The following SIK3 variants were observed in gnomAD, a reference collection of about 807,000 sequenced individuals.
SIK3 encodes the protein SIK family kinase 3, also known as serine/threonine-protein kinase SIK3.
Under a neutral mutation model 144.2 loss-of-function variants are expected in SIK3, and 28 were observed. The observed-to-expected ratio is 0.19, with a 90% CI of 0.14 to 0.27. The LOEUF (loss-of-function observed/expected upper bound fraction) is 0.27. SIK3 is among the 10% of genes least tolerant of loss of function. SIK3 has a pLI of 1.00. For synonymous variants in SIK3, 686 were observed against 676.3 expected, an observed-to-expected ratio of 1.01 and a Z score of -0.22; for missense variants, 1,319 against 1,776.0, an observed-to-expected ratio of 0.74 and a Z score of 4.62.
intron 3 of SIK3, among the ~76,000 whole-genome samples, chr11:116,944,339 G>A (rs942507487): frequency 2.0e-5 from 3 of 152,030 alleles, no homozygotes; most frequent in African/African-American, 7.3e-5. Flanking sequence ...GCTGGGATTC[G>A]CCACACCCAT....
intron 1 of SIK3, among the ~76,000 whole-genome samples, chr11:117,091,206 T>TC (rs982211343): frequency 4.9e-5 from 7 of 143,356 alleles, no homozygotes; most frequent in East Asian, 4.0e-4. Flanking sequence ...TTTTCTTTTT[T>TC]TTTTTTTTTT....
intron 3 of SIK3, 106 bp downstream of exon 3, chr11:116,953,933 AAGAAC>A: frequency 1.4e-6 from 1 of 728,348 alleles, no homozygotes; most frequent in African/African-American, 1.8e-5. Flanking sequence ...GGCAGGATTG[AAGAAC>A]AGCATCAAGT....
At chr11:117,086,847 T>C (rs1012118930) in intron 1 of SIK3, among the ~76,000 whole-genome samples, 3 of 151,572 alleles carry the variant, frequency 2.0e-5, no homozygotes, top group Admixed American at 1.3e-4. Context: ...ATACAAAAAT[T>C]AGCCAGGTGT....
chr11:116,940,418 A>T lies in SIK3; in HGVS notation c.455-13038T>A, dbSNP rs1340657808. On this transcript the variant is annotated intron_variant, in intron 3 of 24. Transcript: ENST00000445177. ...CTAATTTTTGTATTTTTTAGTAAAG[A>T]CGGGGTTTCAACATGTTGGCCAGGC... Among the ~76,000 whole-genome samples the T allele has an allele frequency of 2.0e-5, 3 of 151,882 alleles. No homozygotes were observed. In the East Asian group the frequency reaches 5.8e-4, roughly 29 times the overall value.
At chr11:116,963,303 CTGTT>C (rs1291050843) in intron 1 of SIK3, among the ~76,000 whole-genome samples, 2 of 152,312 alleles carry the variant, frequency 1.3e-5, no homozygotes, top group East Asian at 3.9e-4. Context: ...AGTTCCCAAA[CTGTT>C]TGGTCTCAGG....
chr11:116,852,755 C>T (rs1394980159), intron 21 of SIK3, among the ~76,000 whole-genome samples: 1 of 152,156 alleles, frequency 6.6e-6, no homozygotes, highest in Non-Finnish European at 1.5e-5. Flanking sequence ...TTATGAGGGA[C>T]AATATACCCA....
At chr11:116,861,159 C>T (rs1259452174) in intron 19 of SIK3, 115 bp downstream of exon 19, 7 of 826,226 alleles carry the variant, frequency 8.5e-6, no homozygotes, top group South Asian at 4.8e-5. Context: ...GAGTCCATAC[C>T]CCTGAATACT....
At chr11:116,993,462 C>T (rs1474244938) in intron 1 of SIK3, among the ~76,000 whole-genome samples, 1 of 152,076 alleles carries the variant, frequency 6.6e-6, no homozygotes, top group Non-Finnish European at 1.5e-5. Context: ...TAAATTTAGC[C>T]TTATATGGAT....
At chr11:117,011,216 T>C (rs1419828343) in intron 1 of SIK3, among the ~76,000 whole-genome samples, 2 of 150,828 alleles carry the variant, frequency 1.3e-5, no homozygotes, top group African/African-American at 4.9e-5. Context: ...TCCACACTCC[T>C]TTTTTTTTCC....
chr11:116,875,177 C>T lies in SIK3; in HGVS notation c.1408G>A (p.Val470Met). The T allele has an allele frequency of 6.2e-7, 1 of 1,613,932 alleles. No homozygotes were observed. The highest frequency in any genetic ancestry group is 8.5e-7 in the Non-Finnish European group (1 of 1,179,876). ...ACTCACCGTGGGTCAGCCACACCCACTGTGTGCCTCCTCATTGACAAATAG... is the reference window on the plus strand; with the variant it reads ...ACTCACCGTGGGTCAGCCACACCCATTGTGTGCCTCCTCATTGACAAATAG... ...VRYLSMRRHT[V>M]GVADPRTEVM... Residue 470 changes from valine (V) to methionine (M), a missense_variant, in exon 11 of 25, where the codon GTG becomes ATG. Physicochemically the swap from Val to Met is conservative, Grantham distance 21. This residue lies in a region of SIK3 where 167 missense variants were observed against 263.3 expected (regional missense o/e 0.63). Transcript: ENST00000445177.
Position 116,950,020 on chromosome 11 carries a change from G to A in SIK3, c.454+4024C>T, listed in dbSNP as rs899614663. On this transcript the variant is annotated intron_variant, in intron 3 of 24. Coordinates refer to ENST00000445177, the MANE Select transcript of SIK3 (RefSeq NM_001366686.3). ...AGTTTGGTGGATGGAGAGCGGGGGA[G>A]GACAGCAGCCTGGGGTCCTCTCAGC... The A allele has an allele frequency of 6.7e-6, 3 of 447,648 alleles. No individual in the cohort carries two copies. In the East Asian group the frequency reaches 2.2e-4, roughly 32 times the overall value. The allele number at this position is 447,648 out of a possible 1,614,324, so 27.7% of individuals were successfully genotyped here. A position where few individuals can be genotyped will look rare whatever the true frequency, so the allele number is the denominator to read the frequency against.
intron 3 of SIK3, among the ~76,000 whole-genome samples, chr11:116,944,801 A>C (rs1436619626): frequency 6.6e-6 from 1 of 152,142 alleles, no homozygotes; most frequent in Non-Finnish European, 1.5e-5. Context: ...CTTGTAGGTG[A>C]CAGCAGAGTG....
rs960341115 is a variant in SIK3 at position 116,859,326 on chromosome 11, G to A, written c.2704C>T (p.Leu902Phe). 5 of 1,613,844 alleles carry A rather than the reference G, an allele frequency of 3.1e-6. No homozygotes were observed. In the South Asian group the frequency reaches 4.4e-5, roughly 14 times the overall value. Residue 902 changes from leucine (L) to phenylalanine (F), a missense_variant, in exon 20 of 25, where the codon CTC becomes TTC. This residue lies in a region of SIK3 where 646 missense variants were observed against 763.7 expected (regional missense o/e 0.85). Transcript: ENST00000445177. Reference sequence around the variant, plus strand: ...GACAAGGGACGGTGCCCATAGCTGAGGGTGGCCATCAGGTTGGTACGGTGC... The same window carrying A: ...GACAAGGGACGGTGCCCATAGCTGAAGGTGGCCATCAGGTTGGTACGGTGC... ...MQHRTNLMAT[L>F]SYGHRPLSKQ...
intron 3 of SIK3, among the ~76,000 whole-genome samples, chr11:116,930,318 G>A (rs1240070102): frequency 1.3e-5 from 2 of 152,114 alleles, no homozygotes; most frequent in Non-Finnish European, 2.9e-5. Context: ...GGTGTGCCAG[G>A]AAGCCAGCAG....
In SIK3 at chr11:117,073,328, A is replaced by T. The variant is rs541613546; in HGVS notation, c.273+24815T>A. Among the ~76,000 whole-genome samples the T allele has an allele frequency of 3.3e-5, 5 of 152,296 alleles. No homozygotes were observed. The East Asian group carries it at 7.7e-4, about 24-fold the overall frequency. On this transcript the variant is annotated intron_variant, in intron 1 of 24. Transcript: ENST00000445177. ...CATAACAGACAAGTTGTCTGGTTAC[A>T]TGCTAACACTCATCCATACTCATAC...
rs1193979283 is a variant in SIK3 at position 116,867,538 on chromosome 11, T to G, written c.1952+408A>C. On this transcript the variant is annotated intron_variant, in intron 15 of 24. Transcript: ENST00000445177. This position sits in a 1 kb window ranked among gnomAD's most constrained non-coding sequence, Gnocchi z 4.1. ...GGCTGGCGGTTCAATGGTAACACGA[T>G]ATGAAATGCTCATTCTTTTGAAGGT... 1.2e-5 allele frequency: 2 copies of G among 160,062 alleles called. No individual in the cohort carries two copies. The highest frequency in any genetic ancestry group is 1.2e-4 in the Admixed American group (2 of 16,022). 9.9% of individuals were successfully genotyped at this position (160,062 alleles called of 1,614,324 possible).
intron 1 of SIK3, among the ~76,000 whole-genome samples, chr11:117,089,905 G>A (rs986296928): frequency 4.6e-5 from 7 of 152,116 alleles, no homozygotes; most frequent in Non-Finnish European, 1.0e-4. Context: ...AAAAGCCTAA[G>A]TCTGAGATAA....
intron 1 of SIK3, among the ~76,000 whole-genome samples, chr11:117,029,827 T>C (rs1239137950): frequency 1.3e-5 from 2 of 151,718 alleles, no homozygotes; most frequent in African/African-American, 4.8e-5. Flanking sequence ...CTATGTAGCA[T>C]AAGGTAAAAA....
chr11:117,048,432 C>T (rs1010020973), intron 1 of SIK3, among the ~76,000 whole-genome samples: 1 of 151,588 alleles, frequency 6.6e-6, no homozygotes, highest in African/African-American at 2.4e-5. Flanking sequence ...CGAGGTGGGC[C>T]GATCACCTGC....
Sources: gnomAD v4.1 joint callset for allele counts (sites outside exome capture counted in the v4.1 genomes callset) on GRCh38, gnomAD v4.1.1 for gene constraint, gnomAD v4.1.1 regional missense constraint, Gnocchi (gnomAD v3.1) non-coding constraint, MANE v1.5 for transcripts, NCBI Gene and HGNC (gene_info 2026-07-23, HGNC 2026-07-21) for gene names.